Variants in CDH13 observed in about 807,000 individuals in gnomAD.
CDH13 encodes cadherin-13.
Under a neutral mutation model 63.8 loss-of-function variants are expected in CDH13, and 24 were observed. The ratio of observed to expected loss-of-function variants is 0.38; its 90% CI spans 0.27 to 0.53. CDH13 has a LOEUF of 0.53. CDH13 is among the 20% of genes least tolerant of loss of function. The probability of loss-of-function intolerance (pLI) is 0.85; values close to 1 mark genes in which losing one functional copy is unlikely to be tolerated. For missense variants in CDH13, 1,049 were observed against 903.1 expected (o/e 1.16, Z -2.07); for synonymous variants, 503 against 355.3 (o/e 1.42, Z -4.67).
intron 6 of CDH13, among the ~76,000 whole-genome samples, chr16:83,362,677 CA>C (rs1313121630): frequency 3.3e-5 from 5 of 152,204 alleles, no homozygotes; most frequent in Non-Finnish European, 7.3e-5. Context: ...TGCCTGACCT[CA>C]AATACCATCT....
Position 83,120,984 on chromosome 16 carries a change from G to T in CDH13, c.367-4401G>T, listed in dbSNP as rs373060823. On this transcript the variant is annotated intron_variant, in intron 3 of 13. Coordinates refer to ENST00000567109, the MANE Select transcript of CDH13 (RefSeq NM_001257.5). ...TCACCTTGTTGGTCAGCCTGGTCTC[G>T]AACTCCTGACCTCGTGATCCTCCCG... 7.9e-5 allele frequency among the ~76,000 whole-genome samples: 12 copies of T among 151,996 alleles called. No individual in the cohort carries two copies. In the East Asian group the frequency reaches 1.2e-3, roughly 15 times the overall value.
At chr16:83,492,213 A>G (rs552237744) in intron 7 of CDH13, among the ~76,000 whole-genome samples, 3 of 151,994 alleles carry the variant, frequency 2.0e-5, no homozygotes, top group African/African-American at 7.2e-5. Context: ...AATGGTAAAA[A>G]AGGATAGCAT....
intron 4 of CDH13, among the ~76,000 whole-genome samples, chr16:83,150,634 T>G (rs11862868): frequency 1.3e-5 from 2 of 152,192 alleles, no homozygotes; most frequent in African/African-American, 4.8e-5. Context: ...TCTGTCCTTA[T>G]AGAGCGTTTT....
chr16:83,010,928 A>C (rs979124770), intron 2 of CDH13, among the ~76,000 whole-genome samples: 7 of 152,224 alleles, frequency 4.6e-5, no homozygotes, highest in African/African-American at 1.7e-4. Flanking sequence ...GCTGAAGCTC[A>C]AACCAGATGG....
intron 4 of CDH13, among the ~76,000 whole-genome samples, chr16:83,197,271 GTATA>G (rs71148817): frequency 4.7e-5 from 7 of 147,918 alleles, no homozygotes; most frequent in Admixed American, 6.8e-5. Context: ...TGTATCATAG[GTATA>G]TATATATATA....
At chr16:83,531,937 C>G (rs966640244) in intron 7 of CDH13, among the ~76,000 whole-genome samples, 3 of 152,158 alleles carry the variant, frequency 2.0e-5, no homozygotes, top group Non-Finnish European at 4.4e-5. Context: ...CCACTCAAAT[C>G]TCATCTTTAA....
At chr16:83,479,516 G>T (rs1253923256) in intron 6 of CDH13, among the ~76,000 whole-genome samples, 1 of 152,100 alleles carries the variant, frequency 6.6e-6, no homozygotes, top group Non-Finnish European at 1.5e-5. Flanking sequence ...AATTAGCCGG[G>T]CGTAGTGGCA....
At chr16:83,593,887 G>A (rs2150739950) in intron 7 of CDH13, among the ~76,000 whole-genome samples, 1 of 152,264 alleles carries the variant, frequency 6.6e-6, no homozygotes, top group East Asian at 1.9e-4. Flanking sequence ...GGTAGTGGTA[G>A]GTGCTGGGGA....
At chr16:83,161,146 T>A (rs924160306) in intron 4 of CDH13, among the ~76,000 whole-genome samples, 2 of 152,196 alleles carry the variant, frequency 1.3e-5, no homozygotes, top group African/African-American at 4.8e-5. Context: ...TCCACGTGAT[T>A]TTCTAAGGCT....
intron 1 of CDH13, among the ~76,000 whole-genome samples, chr16:82,668,310 C>G (rs1007324964): frequency 1.3e-5 from 2 of 152,024 alleles, no homozygotes; most frequent in African/African-American, 4.8e-5. Flanking sequence ...ACTGCCAACC[C>G]CAGGGATGGC....
intron 8 of CDH13, among the ~76,000 whole-genome samples, chr16:83,606,211 T>A (rs1410040122): frequency 6.6e-6 from 1 of 152,256 alleles, no homozygotes; most frequent in Non-Finnish European, 1.5e-5. Flanking sequence ...GATGTTGTCC[T>A]AAGTAAATTT....
rs911301119 is a variant in CDH13, at chr16:83,567,417, C to A, written c.961-35037C>A. On this transcript the variant is annotated intron_variant, in intron 7 of 13. Transcript: ENST00000567109. ...GTAAAATTGCAAATATCTGCATGTA[C>A]GAGTTGCAGGCAGGGAAACTGAGTC... is the stretch of plus-strand genomic sequence containing the variant. Among the ~76,000 whole-genome samples the A allele has an allele frequency of 2.0e-5, 3 of 152,270 alleles. No individual in the cohort carries two copies. In the East Asian group the frequency reaches 5.8e-4, roughly 29 times the overall value.
chr16:82,935,880 C>G (rs1184741649), intron 2 of CDH13, among the ~76,000 whole-genome samples: 2 of 152,112 alleles, frequency 1.3e-5, no homozygotes, highest in Non-Finnish European at 2.9e-5. Flanking sequence ...ACAGCTTCCT[C>G]TATAGAGGAA....
chr16:82,871,478 G>A (rs1039428358), intron 2 of CDH13, among the ~76,000 whole-genome samples: 2 of 152,134 alleles, frequency 1.3e-5, no homozygotes, highest in Non-Finnish European at 2.9e-5. Flanking sequence ...GGAGATCCAA[G>A]GGTTGACACT....
At chr16:83,584,277 T>C (rs1041705372) in intron 7 of CDH13, among the ~76,000 whole-genome samples, 2 of 152,148 alleles carry the variant, frequency 1.3e-5, no homozygotes, top group African/African-American at 4.8e-5. Flanking sequence ...TGCAGTGAGC[T>C]GAGATCGTGC....
chr16:82,807,746 C>T (rs2037221372), intron 1 of CDH13, among the ~76,000 whole-genome samples: 1 of 152,108 alleles, frequency 6.6e-6, no homozygotes. Context: ...CCAAATCCAG[C>T]CTCCAAACAC....
At chr16:82,769,879 CAG>C (rs1428273039) in intron 1 of CDH13, among the ~76,000 whole-genome samples, 4 of 152,164 alleles carry the variant, frequency 2.6e-5, no homozygotes, top group African/African-American at 9.7e-5. Context: ...CAGGATAAGT[CAG>C]AGAGGAAATT....
intron 5 of CDH13, among the ~76,000 whole-genome samples, chr16:83,253,979 C>G (rs182435175): frequency 6.6e-6 from 1 of 152,168 alleles, no homozygotes; most frequent in Non-Finnish European, 1.5e-5. Flanking sequence ...CAGAGTCAAT[C>G]TTAGATAGAG....
chr16:83,633,975 G>A (rs1027251440), intron 8 of CDH13, among the ~76,000 whole-genome samples: 1 of 152,128 alleles, frequency 6.6e-6, no homozygotes, highest in African/African-American at 2.4e-5. Flanking sequence ...AGTGCCAGAA[G>A]CACCTTGAAC....
Sources: gnomAD v4.1 joint callset for allele counts (sites outside exome capture counted in the v4.1 genomes callset) on GRCh38, gnomAD v4.1.1 for gene constraint, MANE v1.5 for transcripts, NCBI Gene and HGNC (gene_info 2026-07-23, HGNC 2026-07-21) for gene names.